Variants in PPP1R12B observed in about 807,000 individuals in gnomAD.
PPP1R12B encodes the protein protein phosphatase 1 regulatory subunit 12B.
PPP1R12B carries 76 observed loss-of-function variants against 126.1 expected under a neutral mutation model. The observed-to-expected ratio is 0.60, with a 90% CI of 0.50 to 0.73. The LOEUF is 0.73. PPP1R12B is among the 30% of genes least tolerant of loss of function. The pLI, the probability that PPP1R12B is intolerant of heterozygous loss-of-function variation, is 0.00. For synonymous variants in PPP1R12B, 356 were observed against 434.7 expected (o/e 0.82, Z 2.25); for missense variants, 1,052 against 1,205.1 (o/e 0.87, Z 1.88).
intron 9 of PPP1R12B, among the ~76,000 whole-genome samples, 199 bp downstream of exon 9, chr1:202,434,967 G>T (rs1168154474): frequency 1.3e-5 from 2 of 152,168 alleles, no homozygotes; most frequent in Admixed American, 6.5e-5. Context: ...AGGCTGGGAA[G>T]TCTCAGATCA....
intron 22 of PPP1R12B, 30 bp downstream of exon 22, chr1:202,567,861 C>G: frequency 6.2e-7 from 1 of 1,609,042 alleles, no homozygotes; most frequent in Non-Finnish European, 8.5e-7. Flanking sequence ...CCCCTCCACC[C>G]CATTTCATCT....
intron 13 of PPP1R12B, among the ~76,000 whole-genome samples, chr1:202,467,438 T>G (rs1182299330): frequency 6.6e-6 from 1 of 151,314 alleles, no homozygotes. Context: ...TGTGTTCTCA[T>G]TGTTCAATTC....
At chr1:202,488,742 C>T (rs1678475899) in intron 14 of PPP1R12B, 119 bp downstream of exon 14, 17 of 942,930 alleles carry the variant, frequency 1.8e-5, no homozygotes, top group Non-Finnish European at 2.5e-5. Flanking sequence ...CACACACACA[C>T]GCTCACGGCT....
At chr1:202,451,835 C>T (rs1672980906) in intron 13 of PPP1R12B, among the ~76,000 whole-genome samples, 1 of 151,116 alleles carries the variant, frequency 6.6e-6, no homozygotes, top group Admixed American at 6.6e-5. Flanking sequence ...GGGCAGCTGG[C>T]CTGGTGGGGG....
At chr1:202,522,908 C>T (rs1216157285) in intron 18 of PPP1R12B, among the ~76,000 whole-genome samples, 1 of 152,040 alleles carries the variant, frequency 6.6e-6, no homozygotes, top group Non-Finnish European at 1.5e-5. Context: ...ATATATAAAA[C>T]AAAACCGACA....
At chr1:202,459,551 T>C (rs1319854786) in intron 13 of PPP1R12B, among the ~76,000 whole-genome samples, 1 of 152,178 alleles carries the variant, frequency 6.6e-6, no homozygotes, top group Non-Finnish European at 1.5e-5. Context: ...CCTGAAAAGC[T>C]CAAGTGTGCT....
intron 18 of PPP1R12B, among the ~76,000 whole-genome samples, chr1:202,542,736 A>G (rs1215546332): frequency 2.6e-5 from 4 of 152,156 alleles, no homozygotes; most frequent in Non-Finnish European, 4.4e-5. Context: ...CTGAGACCTT[A>G]TGGGCTTCAG....
intron 13 of PPP1R12B, among the ~76,000 whole-genome samples, chr1:202,452,818 TTC>T (rs899652029): frequency 6.6e-6 from 1 of 151,890 alleles, no homozygotes; most frequent in African/African-American, 2.4e-5. Flanking sequence ...ATGTATTACT[TTC>T]TCTCTCTCTC....
chr1:202,432,237 T>C (rs564350749), intron 8 of PPP1R12B, among the ~76,000 whole-genome samples: 60 of 152,218 alleles, frequency 3.9e-4, no homozygotes, highest in African/African-American at 1.3e-3. Flanking sequence ...TTTACCTTTA[T>C]GGCTATTATT....
chr1:202,432,174 C>CT (rs1182221627), intron 8 of PPP1R12B, among the ~76,000 whole-genome samples: 4 of 151,116 alleles, frequency 2.6e-5, no homozygotes, highest in African/African-American at 2.4e-5. Context: ...ATCCTAAAAT[C>CT]TTTTTTTTTC....
At chr1:202,449,354 C>T (rs1210418074) in intron 13 of PPP1R12B, among the ~76,000 whole-genome samples, 183 bp downstream of exon 13, 1 of 151,660 alleles carries the variant, frequency 6.6e-6, no homozygotes, top group Non-Finnish European at 1.5e-5. Context: ...TGGCTCACTG[C>T]AACCTCCTCC....
At chr1:202,440,935 TC>T in intron 11 of PPP1R12B, 147 bp downstream of exon 11, 1 of 623,138 alleles carries the variant, frequency 1.6e-6, no homozygotes. Flanking sequence ...AGAACACCTC[TC>T]AACTCTTATA....
At chr1:202,395,439 A>T (rs1157670472) in intron 1 of PPP1R12B, among the ~76,000 whole-genome samples, 1 of 152,274 alleles carries the variant, frequency 6.6e-6, no homozygotes, top group African/African-American at 2.4e-5. Flanking sequence ...CTTAGCTCAC[A>T]ACTTACTCTC....
chr1:202,534,671 T>A (rs1199818599), intron 18 of PPP1R12B, among the ~76,000 whole-genome samples: 1 of 150,460 alleles, frequency 6.6e-6, no homozygotes, highest in Admixed American at 6.7e-5. Flanking sequence ...GTAAAGCCAA[T>A]CCCCTAACTA....
intron 18 of PPP1R12B, among the ~76,000 whole-genome samples, chr1:202,530,136 C>T (rs534459668): frequency 6.6e-6 from 1 of 152,048 alleles, no homozygotes. Flanking sequence ...TCAGTTCAAG[C>T]ATTTTTTTTT....
chr1:202,548,806 CTCTATATATATA>C (rs1234313173), intron 18 of PPP1R12B, among the ~76,000 whole-genome samples: 100 of 76,406 alleles, frequency 1.3e-3, no homozygotes, highest in Non-Finnish European at 2.0e-3. Context: ...CTCTCTCTCT[CTCTATATATATA>C]TATATATATA....
intron 1 of PPP1R12B, among the ~76,000 whole-genome samples, chr1:202,351,752 A>G (rs1656055060): frequency 6.6e-6 from 1 of 152,208 alleles, no homozygotes; most frequent in Non-Finnish European, 1.5e-5. Flanking sequence ...TCTTTTGGCC[A>G]TGGCCACTTG....
rs777941731 is a variant in PPP1R12B at position 202,440,792 on chromosome 1, A to T, written c.1541+4A>T. On this transcript the variant is annotated splice_donor_region_variant and intron_variant, in intron 11 of 23. Coordinates refer to ENST00000608999, the MANE Select transcript of PPP1R12B (RefSeq NM_002481.4). ...ATATTGAAGAAAAGGAGAACAGGTA[A>T]TCCTAAAACCAGCCAAAAGATGGTC... 3.7e-6 allele frequency: 6 copies of T among 1,611,462 alleles called. No individual in the cohort carries two copies. Among genetic ancestry groups the T allele is most frequent in the Non-Finnish European group, 4.2e-6 (5 of 1,177,694 alleles).
In PPP1R12B at chr1:202,448,702, A is replaced by G. The variant is rs564941211; in HGVS notation, c.1668-287A>G. The G allele has an allele frequency of 1.9e-4, 71 of 382,324 alleles. No individual in the cohort carries two copies. The South Asian group carries it at 2.2e-3, about 12-fold the overall frequency. The allele number at this position is 382,324 out of a possible 1,614,324, so 23.7% of individuals were successfully genotyped here. On this transcript the variant is annotated intron_variant, in intron 12 of 23. Coordinates refer to ENST00000608999, the MANE Select transcript of PPP1R12B (RefSeq NM_002481.4). ...TTAAAACACTCTTGCATATGTCACT[A>G]TCTTGCCTTGTGCCATAGCTAATGA...
Sources: allele counts gnomAD v4.1 joint callset (sites outside exome capture counted in the v4.1 genomes callset), GRCh38; gene constraint gnomAD v4.1.1; transcripts MANE v1.5; gene names NCBI Gene and HGNC (gene_info 2026-07-23, HGNC 2026-07-21).